The following C10orf90 variants were observed in gnomAD, a reference collection of about 807,000 sequenced individuals.
The protein encoded by C10orf90 is chromosome 10 open reading frame 90.
A neutral mutation model predicts 62.5 loss-of-function variants in C10orf90; 56 were observed. That is an observed-to-expected ratio of 0.90 (90% CI 0.72 to 1.12). The LOEUF (loss-of-function observed/expected upper bound fraction) is 1.12. C10orf90 is among the 50% of genes most tolerant of loss of function. The pLI, the probability that C10orf90 is intolerant of heterozygous loss-of-function variation, is 0.00. For missense variants in C10orf90, 970 were observed against 880.4 expected (o/e 1.10, Z -1.29); for synonymous variants, 386 against 340.4 (o/e 1.13, Z -1.47).
chr10:126,565,356 AAT>A (rs1260578157), intron 2 of C10orf90, among the ~76,000 whole-genome samples: 6 of 48,556 alleles, frequency 1.2e-4, no homozygotes, highest in African/African-American at 3.2e-4. Context: ...TATAATATAT[AAT>A]ATATATTATT....
chr10:126,486,717 T>G (rs1356002014), intron 4 of C10orf90, among the ~76,000 whole-genome samples: 3 of 152,168 alleles, frequency 2.0e-5, no homozygotes, highest in African/African-American at 7.2e-5. Flanking sequence ...CTCAGATGAC[T>G]TTAGATACAA....
intron 2 of C10orf90, among the ~76,000 whole-genome samples, chr10:126,542,544 G>A (rs566878342): frequency 6.6e-6 from 1 of 152,094 alleles, no homozygotes; most frequent in Non-Finnish European, 1.5e-5. Context: ...TTTAAAAAAA[G>A]GTTTGGGAAC....
intron 2 of C10orf90, among the ~76,000 whole-genome samples, chr10:126,585,628 T>C (rs1299451486): frequency 6.6e-6 from 1 of 151,040 alleles, no homozygotes; most frequent in African/African-American, 2.4e-5. Flanking sequence ...GAGTGGGAAA[T>C]GAGGAAGGGT....
intron 4 of C10orf90, among the ~76,000 whole-genome samples, chr10:126,470,577 A>AAAACAAAC (rs10637715): frequency 0.4 from 59,693 of 149,864 alleles, 12,044 homozygotes; most frequent in South Asian, 0.53. Flanking sequence ...TAAAAACTAA[A>AAAACAAAC]AAACAAACAA....
chr10:126,626,861 C>T (rs762775058), intron 2 of C10orf90, among the ~76,000 whole-genome samples: 23 of 152,184 alleles, frequency 1.5e-4, no homozygotes, highest in Admixed American at 1.4e-3. Context: ...AACTCTTCTC[C>T]GTCTGCAAGG....
At chr10:126,593,358 A>T (rs891556679) in intron 2 of C10orf90, among the ~76,000 whole-genome samples, 4 of 152,248 alleles carry the variant, frequency 2.6e-5, no homozygotes, top group Non-Finnish European at 4.4e-5. Flanking sequence ...ATGCAGCCAT[A>T]AAAAGAAACA....
rs1564874106 is a variant in C10orf90, at chr10:126,565,162, T to TTATATTACATATTATGTAATATAATA, written c.314-51224_314-51223insTATTATATTACATAATATGTAATATA. Among the ~76,000 whole-genome samples the TTATATTACATATTATGTAATATAATA allele has an allele frequency of 3.8e-4, 7 of 18,238 alleles. 1 individual carries two copies. The highest frequency in any genetic ancestry group is 2.1e-3 in the East Asian group (1 of 468). The allele number at this position is 18,238 out of a possible 152,430, so 12.0% of individuals were successfully genotyped here. A position where few individuals can be genotyped will look rare whatever the true frequency, so the allele number is the denominator to read the frequency against. On this transcript the variant is annotated intron_variant, in intron 2 of 9. Coordinates refer to ENST00000488181, the MANE Select transcript of C10orf90 (RefSeq NM_001350921.2). ...ATAATATTAAATATGTAATATAATA[T>TTATATTACATATTATGTAATATAATA]TTATATTACATATTATGTAATATAA...
intron 2 of C10orf90, among the ~76,000 whole-genome samples, chr10:126,608,611 G>A (rs1845366426): frequency 6.6e-6 from 1 of 152,128 alleles, no homozygotes; most frequent in Non-Finnish European, 1.5e-5. Context: ...CCTGAGTGAT[G>A]TCTGATTTTC....
At chr10:126,487,990 T>C (rs1861530530) in intron 4 of C10orf90, among the ~76,000 whole-genome samples, 1 of 152,090 alleles carries the variant, frequency 6.6e-6, no homozygotes, top group Non-Finnish European at 1.5e-5. Context: ...ACGTTACAAT[T>C]TTTAGCTGGT....
At chr10:126,646,535 A>C (rs1846175058) in intron 2 of C10orf90, 30 bp downstream of exon 2, 1 of 380,656 alleles carries the variant, frequency 2.6e-6, no homozygotes, top group Non-Finnish European at 5.1e-6. Flanking sequence ...TTGAAAGGGA[A>C]CCCTGCCTGG....
rs1337161578 is a variant in C10orf90 at position 126,644,667 on chromosome 10, GC to G, written c.313+1897del. Reference sequence around the variant, plus strand: ...CGGCCAACATGGGCTTGATTCCTAAGCCATTAAAGTGCTCAGCCCCTCTCCA... The same window carrying G: ...CGGCCAACATGGGCTTGATTCCTAAGCATTAAAGTGCTCAGCCCCTCTCCA... On this transcript the variant is annotated intron_variant, in intron 2 of 9. Transcript: ENST00000488181. Among the ~76,000 whole-genome samples the G allele has an allele frequency of 7.8e-4, 118 of 152,212 alleles. 1 individual carries two copies. The highest frequency in any genetic ancestry group is 2.7e-3 in the African/African-American group (114 of 41,462).
rs1564828056 is a variant in C10orf90 at position 126,490,021 on chromosome 10, A to AATATATAATATATATTATATATATT, written c.1534+13935_1534+13936insAATATATATAATATATATTATATAT. On this transcript the variant is annotated intron_variant, in intron 4 of 9. Coordinates refer to ENST00000488181, the MANE Select transcript of C10orf90 (RefSeq NM_001350921.2). ...ATTATATATTATATATATTATATATAATATATAATATATAATATATATTAT... is the reference window on the plus strand; with the variant it reads ...ATTATATATTATATATATTATATATAATATATAATATATATTATATATATTATATATAATATATAATATATATTAT... Among the ~76,000 whole-genome samples, 258 of 63,906 alleles carry AATATATAATATATATTATATATATT rather than the reference A, an allele frequency of 4.0e-3. 1 individual carries two copies. Among genetic ancestry groups the AATATATAATATATATTATATATATT allele is most frequent in the Non-Finnish European group, 5.7e-3 (212 of 36,912 alleles). 41.9% of individuals were successfully genotyped at this position (63,906 alleles called of 152,430 possible).
intron 1 of C10orf90, among the ~76,000 whole-genome samples, chr10:126,668,658 C>T (rs1846682974): frequency 6.6e-6 from 1 of 152,142 alleles, no homozygotes; most frequent in African/African-American, 2.4e-5. Context: ...TTGGCCCGCC[C>T]TAGAGCTGAG....
rs371866372 is a variant in C10orf90, at chr10:126,605,248, G to A, written c.313+41317C>T. Reference sequence around the variant, plus strand: ...CTCAGAGGGGCGTGTGCTTTGGTGCGCCAAGCCAAAGGAAAGATGGAAGCA... The same window carrying A: ...CTCAGAGGGGCGTGTGCTTTGGTGCACCAAGCCAAAGGAAAGATGGAAGCA... On this transcript the variant is annotated intron_variant, in intron 2 of 9. Transcript: ENST00000488181. Among the ~76,000 whole-genome samples the A allele has an allele frequency of 9.2e-5, 14 of 152,288 alleles. No homozygotes were observed. In the South Asian group the frequency reaches 1.2e-3, roughly 14 times the overall value.
At chr10:126,576,928 G>A (rs1844639068) in intron 2 of C10orf90, among the ~76,000 whole-genome samples, 1 of 151,332 alleles carries the variant, frequency 6.6e-6, no homozygotes, top group Non-Finnish European at 1.5e-5. Flanking sequence ...TCTCACTCAT[G>A]TGTGGAGGCT....
At chr10:126,499,983 C>T (rs1241927043) in intron 4 of C10orf90, among the ~76,000 whole-genome samples, 6 of 152,128 alleles carry the variant, frequency 3.9e-5, no homozygotes, top group Admixed American at 2.6e-4. Flanking sequence ...CATGCACATC[C>T]GGTGAGGTGG....
chr10:126,565,247 TTATTATATTATATATTTATATTATA>T (rs1844335435), intron 2 of C10orf90, among the ~76,000 whole-genome samples: 1 of 29,964 alleles, frequency 3.3e-5, no homozygotes, highest in African/African-American at 1.1e-4. Context: ...AATATAATAT[TTATTATATTATATATTTATATTATA>T]TATTATATTA....
chr10:126,662,557 G>A (rs915100383), intron 1 of C10orf90, among the ~76,000 whole-genome samples: 186 of 152,244 alleles, frequency 1.2e-3, no homozygotes, highest in African/African-American at 4.3e-3. Flanking sequence ...AGAGACTACT[G>A]GGTTCTGTTT....
chr10:126,547,115 C>T (rs1222019429), intron 2 of C10orf90, among the ~76,000 whole-genome samples: 2 of 148,602 alleles, frequency 1.3e-5, no homozygotes, highest in African/African-American at 2.5e-5. Flanking sequence ...TCTCCAACCA[C>T]AACAACAAAA....
Sources: gnomAD v4.1 joint callset for allele counts (sites outside exome capture counted in the v4.1 genomes callset) on GRCh38, gnomAD v4.1.1 for gene constraint, MANE v1.5 for transcripts, NCBI Gene and HGNC (gene_info 2026-07-23, HGNC 2026-07-21) for gene names.